The following TDRD12 variants were observed in gnomAD, a reference collection of about 807,000 sequenced individuals.
TDRD12 encodes tudor domain containing 12, also known as putative ATP-dependent RNA helicase TDRD12.
TDRD12 carries 158 observed loss-of-function variants against 133.5 expected under a neutral mutation model. The observed-to-expected ratio is 1.18, with a 90% CI of 1.04 to 1.35. The LOEUF is 1.35. TDRD12 is among the 40% of genes most tolerant of loss of function. The probability of loss-of-function intolerance (pLI) is 0.00; values close to 1 mark genes in which losing one functional copy is unlikely to be tolerated. For synonymous variants in TDRD12, 460 were observed against 477.9 expected, an observed-to-expected ratio of 0.96 and a Z score of 0.49; for missense variants, 1,443 against 1,321.3, an observed-to-expected ratio of 1.09 and a Z score of -1.43.
intron 1 of TDRD12, among the ~76,000 whole-genome samples, chr19:32,722,363 C>G (rs1394007832): frequency 6.6e-6 from 1 of 152,126 alleles, no homozygotes; most frequent in Non-Finnish European, 1.5e-5. Context: ...GGAACTCTTT[C>G]ATTTACCTGC....
At chr19:32,815,242 G>A (rs768397096) in intron 25 of TDRD12, among the ~76,000 whole-genome samples, 3 of 152,176 alleles carry the variant, frequency 2.0e-5, no homozygotes, top group Non-Finnish European at 4.4e-5. Context: ...TCTGTGGCAT[G>A]GGGTGAGGCC....
downstream of TDRD12, chr19:32,826,043 T>C (rs1391046938): frequency 9.8e-6 from 13 of 1,329,398 alleles, no homozygotes; most frequent in Non-Finnish European, 3.1e-6. Context: ...TGTGTGTACA[T>C]GATGGAGTTA....
chr19:32,792,663 T>C (rs1014545019), intron 13 of TDRD12, among the ~76,000 whole-genome samples: 1 of 152,156 alleles, frequency 6.6e-6, no homozygotes, highest in Non-Finnish European at 1.5e-5. Flanking sequence ...TTTCTGAAGA[T>C]TAACATAGGA....
chr19:32,818,742 G>A (rs1289823373), intron 27 of TDRD12, among the ~76,000 whole-genome samples: 1 of 152,152 alleles, frequency 6.6e-6, no homozygotes, highest in Non-Finnish European at 1.5e-5. Flanking sequence ...GGGTGGGGAC[G>A]TTGTAGCCAG....
At chr19:32,806,308 T>C (rs1356402944) in intron 21 of TDRD12, among the ~76,000 whole-genome samples, 5 of 151,944 alleles carry the variant, frequency 3.3e-5, no homozygotes, top group Non-Finnish European at 7.4e-5. Flanking sequence ...TTACTAGCAG[T>C]ATTCCTATTT....
chr19:32,743,389 C>T (rs1385505105), intron 4 of TDRD12, among the ~76,000 whole-genome samples: 1 of 151,266 alleles, frequency 6.6e-6, no homozygotes, highest in Non-Finnish European at 1.5e-5. Flanking sequence ...TCCCCACCGC[C>T]CCTCCGCTCT....
At chr19:32,731,366 G>A (rs1187505509) in intron 1 of TDRD12, among the ~76,000 whole-genome samples, 1 of 151,868 alleles carries the variant, frequency 6.6e-6, no homozygotes, top group African/African-American at 2.4e-5. Context: ...ACTAGCCTGG[G>A]CAAAATAGCG....
At chr19:32,815,687 G>A in intron 26 of TDRD12, 67 bp downstream of exon 26, 1 of 1,426,776 alleles carries the variant, frequency 7.0e-7, no homozygotes, top group Non-Finnish European at 9.4e-7. Context: ...AAGTGTTAAG[G>A]ACATGTTTTA....
intron 26 of TDRD12, 105 bp downstream of exon 26, chr19:32,815,725 G>A (rs775877691): frequency 1.8e-6 from 2 of 1,138,306 alleles, no homozygotes; most frequent in South Asian, 1.6e-5. Context: ...GCTGGGTGCG[G>A]TGGCTCACAC....
At chr19:32,725,347 G>C (rs1257182906) in intron 1 of TDRD12, among the ~76,000 whole-genome samples, 1 of 151,664 alleles carries the variant, frequency 6.6e-6, no homozygotes, top group African/African-American at 2.4e-5. Context: ...TATAGTTTTA[G>C]GTTTTACATT....
At chr19:32,781,593 T>C (rs1970767311) in intron 11 of TDRD12, among the ~76,000 whole-genome samples, 1 of 152,232 alleles carries the variant, frequency 6.6e-6, no homozygotes. Flanking sequence ...ATAGTTTGGG[T>C]ATACATTTTG....
intron 6 of TDRD12, among the ~76,000 whole-genome samples, chr19:32,755,523 T>C (rs1969966639): frequency 6.6e-6 from 1 of 152,246 alleles, no homozygotes; most frequent in African/African-American, 2.4e-5. Context: ...CATATTTTAA[T>C]TGTGTTGATT....
intron 2 of TDRD12, among the ~76,000 whole-genome samples, chr19:32,735,631 C>T (rs1255166717): frequency 6.6e-6 from 1 of 152,228 alleles, no homozygotes; most frequent in Non-Finnish European, 1.5e-5. Flanking sequence ...GTATACAAGA[C>T]AGCCTTCTAT....
At chr19:32,760,641 T>C (rs983417206) in intron 8 of TDRD12, among the ~76,000 whole-genome samples, 1 of 152,236 alleles carries the variant, frequency 6.6e-6, no homozygotes, top group African/African-American at 2.4e-5. Context: ...ATTTTACTAT[T>C]ACTAGGCTTC....
chr19:32,813,866 C>G (rs563660712), intron 25 of TDRD12, 90 bp downstream of exon 25: 2 of 746,198 alleles, frequency 2.7e-6, no homozygotes, highest in Non-Finnish European at 4.4e-6. Flanking sequence ...TGAATAACTG[C>G]TGCATAGAAA....
At chr19:32,825,653 A>T (rs1373267064), downstream of TDRD12, among the ~76,000 whole-genome samples, 1 of 152,212 alleles carries the variant, frequency 6.6e-6, no homozygotes, top group African/African-American at 2.4e-5. The surrounding 1 kb of genome is among the most constrained non-coding windows in gnomAD (Gnocchi z 4.1). Flanking sequence ...AGGCCGAGGC[A>T]GGTAGATCAC....
intron 1 of TDRD12, among the ~76,000 whole-genome samples, chr19:32,726,449 T>C (rs902772369): frequency 3.9e-5 from 6 of 152,178 alleles, no homozygotes; most frequent in Non-Finnish European, 8.8e-5. Context: ...TTTGCAAAAC[T>C]GAAACTCTGC....
Position 32,743,505 on chromosome 19 carries a change from C to T in TDRD12, c.440+605C>T, listed in dbSNP as rs1364791865. Among the ~76,000 whole-genome samples the T allele has an allele frequency of 2.0e-5, 3 of 152,070 alleles. No individual in the cohort carries two copies. The East Asian group carries it at 5.8e-4, about 29-fold the overall frequency. On this transcript the variant is annotated intron_variant, in intron 4 of 27. Coordinates refer to ENST00000444215, the Ensembl canonical transcript of TDRD12. ...TTAAGCGATCCTCTCACCTTGGCCT[C>T]CCAAAGTGCTGGGATTCCAGGCATG... is the stretch of plus-strand genomic sequence containing the variant.
intron 27 of TDRD12, among the ~76,000 whole-genome samples, chr19:32,818,791 A>G (rs751129366): frequency 2.0e-5 from 3 of 152,068 alleles, no homozygotes; most frequent in Non-Finnish European, 4.4e-5. Context: ...TAGGCGAGGG[A>G]TGCGTGTCCC....
Sources: allele counts gnomAD v4.1 joint callset (sites outside exome capture counted in the v4.1 genomes callset), GRCh38; gene constraint gnomAD v4.1.1; non-coding constraint Gnocchi (gnomAD v3.1); transcripts MANE v1.5; gene names NCBI Gene and HGNC (gene_info 2026-07-23, HGNC 2026-07-21).